The following ACOX2 variants were observed in gnomAD, a reference collection of about 807,000 sequenced individuals.
ACOX2 encodes the protein acyl-CoA oxidase 2, also known as peroxisomal acyl-coenzyme A oxidase 2.
In ACOX2, 59 loss-of-function variants were observed where a neutral mutation model predicts 77.5. That is an observed-to-expected ratio of 0.76 (90% CI 0.62 to 0.95). The LOEUF (loss-of-function observed/expected upper bound fraction) is 0.95. Ranked by LOEUF, ACOX2 falls within the 40% of genes least tolerant of loss-of-function variation. ACOX2 has a pLI of 0.00. For missense variants in ACOX2, 837 were observed against 880.4 expected, an observed-to-expected ratio of 0.95 and a Z score of 0.62; for synonymous variants, 317 against 340.1, an observed-to-expected ratio of 0.93 and a Z score of 0.75.
Position 58,533,497 on chromosome 3 carries a change from C to A in ACOX2, c.531G>T (p.Glu177Asp). The A allele has an allele frequency of 6.2e-7, 1 of 1,614,052 alleles. No homozygotes were observed. The highest frequency in any genetic ancestry group is 8.5e-7 in the Non-Finnish European group (1 of 1,180,000). Residue 177 changes from glutamate to aspartate, a missense_variant, in exon 5 of 15, where the codon GAG (glutamate) becomes GAT (aspartate). By Grantham distance (45) the Glu-to-Asp change is conservative. Coordinates refer to ENST00000302819, the MANE Select transcript of ACOX2 (RefSeq NM_003500.4). This position sits in a 1 kb window ranked among gnomAD's most constrained non-coding sequence, Gnocchi z 5.6. ...TEATYDAATQ[E>D]FVIHSPTLTA... The stretch of plus-strand genomic sequence containing the variant: ...TCAGCGTGGGGCTGTGTATCACAAA[C>A]TCCTGGGTGGCTGCGTCATAGGTGG...
chr3:58,509,246 G>A (rs538112301), intron 13 of ACOX2, among the ~76,000 whole-genome samples: 4 of 152,152 alleles, frequency 2.6e-5, no homozygotes, highest in East Asian at 3.9e-4. Context: ...CAGCATATCC[G>A]GCCATGCGTG....
chr3:58,531,041 T>A lies in ACOX2; in HGVS notation c.819+210A>T, dbSNP rs1001650742. Among the ~76,000 whole-genome samples the A allele has an allele frequency of 6.6e-6, 1 of 152,184 alleles. No homozygotes were observed. The highest frequency in any genetic ancestry group is 2.4e-5 in the African/African-American group (1 of 41,452). On this transcript the variant is annotated intron_variant, in intron 7 of 14. Transcript: ENST00000302819. The surrounding 1 kb of genome is among the most constrained non-coding windows in gnomAD (Gnocchi z 5.8). ...CTCTGTCAGCCTATGTGACGAGCAT[T>A]TCTGCATGAGAGGTCTGAGGCTCTG...
chr3:58,522,491 C>T lies in ACOX2; in HGVS notation c.1632+5G>A, dbSNP rs1560215305. On this transcript the variant is annotated splice_donor_5th_base_variant and intron_variant, in intron 12 of 14. Coordinates refer to ENST00000302819, the MANE Select transcript of ACOX2 (RefSeq NM_003500.4). This position sits in a 1 kb window ranked among gnomAD's most constrained non-coding sequence, Gnocchi z 4.3. ...CCCTTTCAGCTTCAGCTGGCAGGCG[C>T]TCACCTTAGCAGCCTGGAGGTGTAT... 2 of 1,613,762 alleles carry T rather than the reference C, an allele frequency of 1.2e-6. No homozygotes were observed.
At chr3:58,532,363 CT>C (rs951512882) in intron 5 of ACOX2, among the ~76,000 whole-genome samples, 3 of 151,326 alleles carry the variant, frequency 2.0e-5, no homozygotes, top group African/African-American at 7.3e-5. Flanking sequence ...CTCTCTCTCT[CT>C]TTTTTTTTCT....
intron 1 of ACOX2, among the ~76,000 whole-genome samples, chr3:58,536,247 C>T (rs1419171162): frequency 6.6e-6 from 1 of 152,118 alleles, no homozygotes; most frequent in Non-Finnish European, 1.5e-5. Flanking sequence ...GGGACAAGTT[C>T]TTATTTGCTT....
At chr3:58,507,415 T>C (rs1027155189) in intron 14 of ACOX2, among the ~76,000 whole-genome samples, 2 of 152,240 alleles carry the variant, frequency 1.3e-5, no homozygotes, top group Non-Finnish European at 1.5e-5. Context: ...TCTCATGTAG[T>C]ATCCAGATTA....
rs1200127376 is a variant in ACOX2 at position 58,510,657 on chromosome 3, A to T, written c.1851-1632T>A. On this transcript the variant is annotated intron_variant, in intron 13 of 14. Transcript: ENST00000302819. ...CAAAAAAAAAAAAAAAAAAAAAAAA[A>T]AAAAAAATATATATATATATATATA... Among the ~76,000 whole-genome samples, 126 of 33,896 alleles carry T rather than the reference A, an allele frequency of 3.7e-3. 6 individuals carry two copies. Among genetic ancestry groups the T allele is most frequent in the African/African-American group, 6.4e-3 (50 of 7,870 alleles). 22.2% of individuals were successfully genotyped at this position (33,896 alleles called of 152,430 possible).
At chr3:58,520,541 G>A (rs959328871) in intron 12 of ACOX2, among the ~76,000 whole-genome samples, 1 of 152,216 alleles carries the variant, frequency 6.6e-6, no homozygotes, top group African/African-American at 2.4e-5. Flanking sequence ...CACAGAGCTG[G>A]GACCAGAATT....
chr3:58,523,700 C>G lies in ACOX2; in HGVS notation c.1526+726G>C, dbSNP rs186574089. 7.9e-5 allele frequency among the ~76,000 whole-genome samples: 12 copies of G among 152,222 alleles called. No individual in the cohort carries two copies. Among genetic ancestry groups the G allele is most frequent in the African/African-American group, 2.9e-4 (12 of 41,530 alleles). ...CTGAGCTCAAGCAATCCGCCCACCTCGACCTCCCAAAGTGCTGGAATTACT... is the reference window on the plus strand; with the variant it reads ...CTGAGCTCAAGCAATCCGCCCACCTGGACCTCCCAAAGTGCTGGAATTACT... On this transcript the variant is annotated intron_variant, in intron 11 of 14. Transcript: ENST00000302819. This position sits in a 1 kb window ranked among gnomAD's most constrained non-coding sequence, Gnocchi z 5.3.
chr3:58,517,570 T>TG (rs2063330116), intron 12 of ACOX2, 147 bp from the exon 13 acceptor site: 1 of 483,142 alleles, frequency 2.1e-6, no homozygotes, highest in South Asian at 1.8e-5. Context: ...CTCCTAGCTC[T>TG]GGGTCTGATC....
Position 58,522,736 on chromosome 3 carries a change from A to G in ACOX2, c.1527-135T>C, listed in dbSNP as rs893427130. 10 of 767,138 alleles carry G rather than the reference A, an allele frequency of 1.3e-5. No homozygotes were observed. Among genetic ancestry groups the G allele is most frequent in the African/African-American group, 1.8e-5 (1 of 56,950 alleles). The allele number at this position is 767,138 out of a possible 1,614,324, so 47.5% of individuals were successfully genotyped here. On this transcript the variant is annotated intron_variant, in intron 11 of 14. Coordinates refer to ENST00000302819, the MANE Select transcript of ACOX2 (RefSeq NM_003500.4). The surrounding 1 kb of genome is among the most constrained non-coding windows in gnomAD (Gnocchi z 4.3). ...TATGTGCCATAAAGCTAAATGATTG[A>G]TATTTATTATCTTTTTAACTCTTTT...
chr3:58,536,580 C>A (rs766822667), intron 1 of ACOX2, among the ~76,000 whole-genome samples: 1 of 152,152 alleles, frequency 6.6e-6, no homozygotes, highest in African/African-American at 2.4e-5. Flanking sequence ...GCCCCTAGTG[C>A]GGCTCCTCTC....
At position 58,531,783 on chromosome 3, in the gene ACOX2, G is replaced by C; in HGVS notation, c.613C>G (p.Gln205Glu). The part of the protein sequence containing the change: ...LGRSATHALV[Q>E]AQLICSGARR... ...GCTCCTGAGCAGATCAGCTGGGCCTGGACCAGGGCATGGGTGGCTGACCGT... is the reference window on the plus strand; with the variant it reads ...GCTCCTGAGCAGATCAGCTGGGCCTCGACCAGGGCATGGGTGGCTGACCGT... Residue 205 changes from glutamine to glutamate, a missense_variant, in exon 6 of 15, where the codon CAG becomes GAG. Gln to Glu is a conservative substitution (Grantham distance 29, BLOSUM62 2). Transcript: ENST00000302819. The surrounding 1 kb of genome is among the most constrained non-coding windows in gnomAD (Gnocchi z 5.8). 1 of 1,614,146 alleles carries C rather than the reference G, an allele frequency of 6.2e-7. No individual in the cohort carries two copies. The highest frequency in any genetic ancestry group is 8.5e-7 in the Non-Finnish European group (1 of 1,180,028).
At position 58,524,655 on chromosome 3, in the gene ACOX2, AG is replaced by A; in HGVS notation, c.1347-51del. 1 of 1,563,440 alleles carries A rather than the reference AG, an allele frequency of 6.4e-7. No individual in the cohort carries two copies. The highest frequency in any genetic ancestry group is 8.7e-7 in the Non-Finnish European group (1 of 1,144,086). ...TGAGAGGGCAGAGACTCTGTGAGAC[AG>A]CCCAGCACCCCTCACTCCCAGAGAC... On this transcript the variant is annotated intron_variant, in intron 10 of 14. Transcript: ENST00000302819. This position sits in a 1 kb window ranked among gnomAD's most constrained non-coding sequence, Gnocchi z 5.5.
At chr3:58,508,762 T>G in intron 14 of ACOX2, 131 bp downstream of exon 14, 2 of 1,227,258 alleles carry the variant, frequency 1.6e-6, no homozygotes, top group Non-Finnish European at 2.2e-6. Flanking sequence ...CTAAGAATAT[T>G]TTAAACAGAC....
At chr3:58,518,728 G>C (rs1560213649) in intron 12 of ACOX2, among the ~76,000 whole-genome samples, 1 of 151,762 alleles carries the variant, frequency 6.6e-6, no homozygotes, top group Non-Finnish European at 1.5e-5. Context: ...GTCCCACTGG[G>C]CTCAAGTGAT....
Position 58,534,770 on chromosome 3 carries a change from G to T in ACOX2, c.160+177C>A. 2 of 1,345,718 alleles carry T rather than the reference G, an allele frequency of 1.5e-6. No individual in the cohort carries two copies. The highest frequency in any genetic ancestry group is 2.1e-6 in the Non-Finnish European group (2 of 961,326). 83.4% of individuals were successfully genotyped at this position (1,345,718 alleles called of 1,614,324 possible). On this transcript the variant is annotated intron_variant, in intron 2 of 14. Coordinates refer to ENST00000302819, the MANE Select transcript of ACOX2 (RefSeq NM_003500.4). This position sits in a 1 kb window ranked among gnomAD's most constrained non-coding sequence, Gnocchi z 4.8. ...TAGGACTCTTCTATCCCCTAGGTGGGCTCAGGCAATATTGACATGTGAAGA... is the reference window on the plus strand; with the variant it reads ...TAGGACTCTTCTATCCCCTAGGTGGTCTCAGGCAATATTGACATGTGAAGA...
At chr3:58,511,833 C>T (rs779058640) in intron 13 of ACOX2, among the ~76,000 whole-genome samples, 1 of 152,194 alleles carries the variant, frequency 6.6e-6, no homozygotes, top group Non-Finnish European at 1.5e-5. Context: ...TGTGTTTATG[C>T]TTATGATTTC....
Position 58,535,228 on chromosome 3 carries a change from G to T in ACOX2, c.-91-31C>A. Reference sequence around the variant, plus strand: ...TGCAAGAGGAACTGCCTAGGGCTGGGTGTCAGCCAGGGCTGGTTGGTAGAA... The same window carrying T: ...TGCAAGAGGAACTGCCTAGGGCTGGTTGTCAGCCAGGGCTGGTTGGTAGAA... On this transcript the variant is annotated intron_variant, in intron 1 of 14. Transcript: ENST00000302819. The surrounding 1 kb of genome is among the most constrained non-coding windows in gnomAD (Gnocchi z 4.8). 1.6e-6 allele frequency: 2 copies of T among 1,276,054 alleles called. No individual in the cohort carries two copies. The highest frequency in any genetic ancestry group is 1.3e-5 in the South Asian group (1 of 74,298). The allele number at this position is 1,276,054 out of a possible 1,614,324, so 79.0% of individuals were successfully genotyped here.
Sources: gnomAD v4.1 joint callset for allele counts (sites outside exome capture counted in the v4.1 genomes callset) on GRCh38, gnomAD v4.1.1 for gene constraint, Gnocchi (gnomAD v3.1) non-coding constraint, MANE v1.5 for transcripts, NCBI Gene and HGNC (gene_info 2026-07-23, HGNC 2026-07-21) for gene names.